Variants in CAV1 observed in about 807,000 individuals in gnomAD.
The protein encoded by CAV1 is caveolin-1.
A neutral mutation model predicts 16.5 loss-of-function variants in CAV1; 10 were observed. That is an observed-to-expected ratio of 0.61 (90% CI 0.37 to 1.03). The LOEUF (loss-of-function observed/expected upper bound fraction) is 1.03. Among genes scored for constraint, CAV1 ranks in the 50% least tolerant of loss-of-function variants. The pLI, the probability that CAV1 is intolerant of heterozygous loss-of-function variation, is 0.01. For synonymous variants in CAV1, 76 were observed against 85.1 expected (o/e 0.89, Z 0.59); for missense variants, 212 against 232.8 (o/e 0.91, Z 0.58).
Position 116,550,136 on chromosome 7 carries a change from G to A in CAV1, c.196-8810G>A, listed in dbSNP as rs1794128984. On this transcript the variant is annotated intron_variant, in intron 2 of 2. Coordinates refer to ENST00000341049, the MANE Select transcript of CAV1 (RefSeq NM_001753.5). ...GTCATTTCAGAGAGAGAGGCTCTAG[G>A]TTCCAAGCTGGATGCTCAGGTCAGT... is the stretch of plus-strand genomic sequence containing the variant. Among the ~76,000 whole-genome samples, 3 of 152,120 alleles carry A rather than the reference G, an allele frequency of 2.0e-5. No homozygotes were observed. The South Asian group carries it at 6.2e-4, about 32-fold the overall frequency.
chr7:116,533,012 A>G (rs1259941223), intron 2 of CAV1, among the ~76,000 whole-genome samples: 1 of 152,136 alleles, frequency 6.6e-6, no homozygotes, highest in Non-Finnish European at 1.5e-5. Flanking sequence ...GCTTATATGT[A>G]GGGAGCAAAA....
At chr7:116,557,562 A>T (rs1020243152) in intron 2 of CAV1, among the ~76,000 whole-genome samples, 1 of 152,148 alleles carries the variant, frequency 6.6e-6, no homozygotes, top group African/African-American at 2.4e-5. Flanking sequence ...TTACAGAGGG[A>T]TAAAACTTCC....
intron 2 of CAV1, among the ~76,000 whole-genome samples, chr7:116,544,168 T>C (rs1168879894): frequency 6.6e-6 from 1 of 152,224 alleles, no homozygotes. Context: ...TGAATTAATT[T>C]GTCTTCCATT....
intron 2 of CAV1, among the ~76,000 whole-genome samples, chr7:116,534,077 G>A (rs932908684): frequency 6.6e-6 from 1 of 151,674 alleles, no homozygotes; most frequent in African/African-American, 2.4e-5. Context: ...GATTAGCTGG[G>A]CATGGTGGCA....
rs960937810 is a variant in CAV1, at chr7:116,560,184, G to A, written c.*897G>A. The A allele has an allele frequency of 4.7e-6, 1 of 212,128 alleles. No homozygotes were observed. The highest frequency in any genetic ancestry group is 2.3e-5 in the African/African-American group (1 of 43,850). The allele number at this position is 212,128 out of a possible 1,614,324, so 13.1% of individuals were successfully genotyped here. ...TGAAATGAATTAAAGTGGACCAATA[G>A]GGCTGAGCTCTCTGTGGGCTGGCAG... On this transcript the variant is annotated 3_prime_UTR_variant, in exon 3 of 3. Transcript: ENST00000341049.
At chr7:116,537,942 C>T (rs1399307423) in intron 2 of CAV1, among the ~76,000 whole-genome samples, 2 of 152,178 alleles carry the variant, frequency 1.3e-5, no homozygotes, top group Admixed American at 6.5e-5. Context: ...GAACCAGACA[C>T]GTTGCAGTGG....
chr7:116,527,501 T>C (rs1793589198), intron 2 of CAV1, among the ~76,000 whole-genome samples: 1 of 152,354 alleles, frequency 6.6e-6, no homozygotes, highest in African/African-American at 2.4e-5. Context: ...ACTGGGTTAT[T>C]GGCCAGACTT....
chr7:116,558,019 C>T (rs1016313455), intron 2 of CAV1, among the ~76,000 whole-genome samples: 2 of 152,156 alleles, frequency 1.3e-5, no homozygotes, highest in Admixed American at 6.5e-5. Context: ...GGGGCTTTGA[C>T]ACATTTCCAA....
chr7:116,533,850 T>C (rs1169826915), intron 2 of CAV1, among the ~76,000 whole-genome samples: 1 of 152,208 alleles, frequency 6.6e-6, no homozygotes, highest in Admixed American at 6.5e-5. Flanking sequence ...TTTTAGGCAA[T>C]TTACTTCTGT....
intron 2 of CAV1, among the ~76,000 whole-genome samples, chr7:116,534,868 C>A (rs1024364596): frequency 6.6e-6 from 1 of 152,090 alleles, no homozygotes; most frequent in Admixed American, 6.5e-5. Flanking sequence ...CTGAAGAGAG[C>A]AAATAAGATA....
chr7:116,537,951 G>A (rs1584774425), intron 2 of CAV1, among the ~76,000 whole-genome samples: 1 of 152,318 alleles, frequency 6.6e-6, no homozygotes, highest in Non-Finnish European at 1.5e-5. Context: ...ACGTTGCAGT[G>A]GTGGATAAGG....
intron 2 of CAV1, among the ~76,000 whole-genome samples, chr7:116,534,380 TATATATATA>T (rs1793755231): frequency 2.2e-4 from 3 of 13,686 alleles, no homozygotes; most frequent in African/African-American, 5.5e-4. Context: ...TATATATATA[TATATATATA>T]TATATATTTT....
chr7:116,539,164 T>C (rs1793886617), intron 2 of CAV1, among the ~76,000 whole-genome samples: 1 of 152,086 alleles, frequency 6.6e-6, no homozygotes, highest in Non-Finnish European at 1.5e-5. Context: ...GCCTCTGACA[T>C]CTGGACCTCC....
chr7:116,532,178 C>T (rs535110050), intron 2 of CAV1, among the ~76,000 whole-genome samples: 15 of 152,240 alleles, frequency 9.9e-5, no homozygotes, highest in African/African-American at 2.9e-4. Context: ...TTTCAGTTAA[C>T]GGCAGGGTTG....
chr7:116,545,584 G>A (rs548496814), intron 2 of CAV1, among the ~76,000 whole-genome samples: 6 of 152,296 alleles, frequency 3.9e-5, no homozygotes, highest in East Asian at 3.9e-4. Flanking sequence ...CAGCAATGAG[G>A]TAAGACGAAA....
rs185515397 is a variant in CAV1, at chr7:116,554,057, C to G, written c.196-4889C>G. On this transcript the variant is annotated intron_variant, in intron 2 of 2. Coordinates refer to ENST00000341049, the MANE Select transcript of CAV1 (RefSeq NM_001753.5). ...GGGAAGATATACTTGGTCCAGTCAT[C>G]TGACAGCTTTGGTCATCAATTTCTC... 7.2e-5 allele frequency among the ~76,000 whole-genome samples: 11 copies of G among 152,334 alleles called. No homozygotes were observed. In the East Asian group the frequency reaches 2.1e-3, roughly 29 times the overall value.
intron 2 of CAV1, among the ~76,000 whole-genome samples, chr7:116,549,838 T>C (rs575277800): frequency 6.6e-6 from 1 of 152,292 alleles, no homozygotes; most frequent in South Asian, 2.1e-4. Context: ...GGATACCAGA[T>C]GTTTGTAGTA....
chr7:116,542,306 C>A (rs1183670893), intron 2 of CAV1, among the ~76,000 whole-genome samples: 1 of 152,158 alleles, frequency 6.6e-6, no homozygotes, highest in Non-Finnish European at 1.5e-5. Flanking sequence ...TGGTTCTTCA[C>A]CCTGGCTGCA....
chr7:116,529,263 A>G (rs1793634911), intron 2 of CAV1, among the ~76,000 whole-genome samples: 1 of 152,232 alleles, frequency 6.6e-6, no homozygotes, highest in Non-Finnish European at 1.5e-5. Context: ...AATGGAATCT[A>G]CTGTTAAAGG....
Sources: allele counts gnomAD v4.1 joint callset (sites outside exome capture counted in the v4.1 genomes callset), GRCh38; gene constraint gnomAD v4.1.1; transcripts MANE v1.5; gene names NCBI Gene and HGNC (gene_info 2026-07-23, HGNC 2026-07-21).